Variants in PSMD14 observed in about 807,000 individuals in gnomAD.
PSMD14 encodes ubiquitin C-terminal hydrolase PSMD14.
Under a neutral mutation model 41.2 loss-of-function variants are expected in PSMD14, and 7 were observed. The ratio of observed to expected loss-of-function variants is 0.17; its 90% confidence interval spans 0.10 to 0.32. PSMD14 has a LOEUF of 0.32. Among genes scored for constraint, PSMD14 ranks in the 10% least tolerant of loss-of-function variants. The pLI, the probability that PSMD14 is intolerant of heterozygous loss-of-function variation, is 1.00. For synonymous variants in PSMD14, 114 were observed against 122.3 expected (o/e 0.93, Z 0.45); for missense variants, 139 against 375.6 (o/e 0.37, Z 5.21).
At chr2:161,345,325 C>G (rs1683025124) in intron 3 of PSMD14, among the ~76,000 whole-genome samples, 3 of 146,014 alleles carry the variant, frequency 2.1e-5, no homozygotes. Context: ...TCACTGCAAC[C>G]TCTGTCTCCT....
intron 10 of PSMD14, among the ~76,000 whole-genome samples, chr2:161,406,192 G>C (rs1683945060): frequency 6.6e-6 from 1 of 152,108 alleles, no homozygotes; most frequent in South Asian, 2.1e-4. Context: ...TTTAGTAAAA[G>C]CCTCTGTAAG....
intron 3 of PSMD14, among the ~76,000 whole-genome samples, chr2:161,352,849 T>A (rs574347628): frequency 7.2e-5 from 11 of 152,340 alleles, no homozygotes; most frequent in African/African-American, 2.6e-4. Context: ...GTTATTTGTA[T>A]TCTGTGTTAA....
At chr2:161,357,407 G>C (rs1039280914) in intron 3 of PSMD14, among the ~76,000 whole-genome samples, 3 of 152,092 alleles carry the variant, frequency 2.0e-5, no homozygotes, top group Non-Finnish European at 2.9e-5. Context: ...AGTTCTGTTA[G>C]ATCACTGACT....
chr2:161,338,918 T>A (rs1253084012), intron 3 of PSMD14, among the ~76,000 whole-genome samples: 1 of 152,242 alleles, frequency 6.6e-6, no homozygotes, highest in African/African-American at 2.4e-5. Context: ...AACTCTTCTT[T>A]TTGTCTAGCT....
intron 1 of PSMD14, among the ~76,000 whole-genome samples, chr2:161,315,551 C>T (rs1054378062): frequency 6.6e-6 from 1 of 152,060 alleles, no homozygotes; most frequent in Admixed American, 6.5e-5. Flanking sequence ...GTGCTTTCTA[C>T]AACACAATAA....
At chr2:161,375,461 CA>C (rs1683490618) in intron 7 of PSMD14, among the ~76,000 whole-genome samples, 1 of 151,858 alleles carries the variant, frequency 6.6e-6, no homozygotes, top group Admixed American at 6.6e-5. Flanking sequence ...AAAATTAGAA[CA>C]AGGGAGAAAT....
At chr2:161,405,673 A>T (rs1204572305) in intron 10 of PSMD14, among the ~76,000 whole-genome samples, 1 of 152,192 alleles carries the variant, frequency 6.6e-6, no homozygotes, top group Non-Finnish European at 1.5e-5. Flanking sequence ...AAAGAAGTAA[A>T]ATACATATTT....
At chr2:161,401,731 T>G (rs545935708) in intron 10 of PSMD14, among the ~76,000 whole-genome samples, 2 of 152,350 alleles carry the variant, frequency 1.3e-5, no homozygotes, top group South Asian at 4.1e-4. Context: ...GAAATTTTTA[T>G]GAAGCAACTA....
At chr2:161,358,521 C>T (rs1683238056) in intron 3 of PSMD14, among the ~76,000 whole-genome samples, 2 of 152,182 alleles carry the variant, frequency 1.3e-5, no homozygotes, top group Admixed American at 6.5e-5. Context: ...GTAGCTCCTC[C>T]CAATCCTGAA....
intron 6 of PSMD14, 93 bp downstream of exon 6, chr2:161,370,270 G>GA (rs1683414516): frequency 1.0e-6 from 1 of 994,342 alleles, no homozygotes; most frequent in Non-Finnish European, 1.4e-6. Context: ...GTCATTTCTA[G>GA]AAAAAGTGGT....
At chr2:161,309,132 G>A (rs1406349526) in intron 1 of PSMD14, among the ~76,000 whole-genome samples, 1 of 152,194 alleles carries the variant, frequency 6.6e-6, no homozygotes, top group Non-Finnish European at 1.5e-5. Flanking sequence ...AAAACAAAGT[G>A]TGCTACTATG....
chr2:161,404,015 C>G (rs962134848), intron 10 of PSMD14, among the ~76,000 whole-genome samples: 35 of 151,862 alleles, frequency 2.3e-4, no homozygotes, highest in African/African-American at 8.0e-4. Flanking sequence ...AAGCAGTACT[C>G]TTGCCTCAGC....
intron 7 of PSMD14, among the ~76,000 whole-genome samples, chr2:161,378,623 C>T (rs1559050681): frequency 6.6e-6 from 1 of 151,834 alleles, no homozygotes; most frequent in Non-Finnish European, 1.5e-5. Context: ...TATAACTGAA[C>T]CTAGTAGTAG....
chr2:161,381,365 T>G (rs1683568320), intron 7 of PSMD14: 1 of 151,704 alleles, frequency 6.6e-6, no homozygotes, highest in Non-Finnish European at 1.5e-5. Flanking sequence ...AAAACATTAC[T>G]TCTACTCTGT....
At chr2:161,388,143 A>G (rs1367085252) in intron 8 of PSMD14, among the ~76,000 whole-genome samples, 1 of 152,132 alleles carries the variant, frequency 6.6e-6, no homozygotes, top group Admixed American at 6.6e-5. Flanking sequence ...ATTGGTAGTC[A>G]GTCTCATGGA....
intron 7 of PSMD14, among the ~76,000 whole-genome samples, chr2:161,373,705 CTG>C (rs1281149557): frequency 1.3e-5 from 2 of 151,864 alleles, no homozygotes; most frequent in Non-Finnish European, 2.9e-5. Context: ...AGTTGGGTCT[CTG>C]TTCGCTTTTT....
chr2:161,381,046 TTATA>T (rs1375328732), intron 7 of PSMD14, among the ~76,000 whole-genome samples: 1 of 151,980 alleles, frequency 6.6e-6, no homozygotes, highest in Non-Finnish European at 1.5e-5. Flanking sequence ...GAGATTTACT[TTATA>T]TAGTGATGGT....
rs190299655 is a variant in PSMD14 at position 161,383,694 on chromosome 2, C to T, written c.463-1770C>T. 7.9e-5 allele frequency: 12 copies of T among 151,628 alleles called. No individual in the cohort carries two copies. The East Asian group carries it at 1.7e-3, about 22-fold the overall frequency. The allele number at this position is 151,628 out of a possible 1,614,324, so 9.4% of individuals were successfully genotyped here. On this transcript the variant is annotated intron_variant, in intron 7 of 11. Transcript: ENST00000409682. ...TTTCTCCCTCTCACAAATGAATTTA[C>T]TGAAATCTTGAAATGGGCCAAAATG...
At chr2:161,359,299 A>G (rs967636847) in intron 3 of PSMD14, among the ~76,000 whole-genome samples, 1 of 152,146 alleles carries the variant, frequency 6.6e-6, no homozygotes, top group Non-Finnish European at 1.5e-5. Context: ...ATACATTAAT[A>G]CTAAGAATAT....
Sources: gnomAD v4.1 joint callset for allele counts (sites outside exome capture counted in the v4.1 genomes callset) on GRCh38, gnomAD v4.1.1 for gene constraint, MANE v1.5 for transcripts, NCBI Gene and HGNC (gene_info 2026-07-23, HGNC 2026-07-21) for gene names.